The following POLR3G variants were observed in gnomAD, a reference collection of about 807,000 sequenced individuals.
POLR3G encodes the protein DNA-directed RNA polymerase III subunit RPC7.
Under a neutral mutation model 30.1 loss-of-function variants are expected in POLR3G, and 28 were observed. The ratio of observed to expected loss-of-function variants is 0.93; its 90% CI spans 0.69 to 1.27. The LOEUF is 1.27. Among genes scored for constraint, POLR3G ranks in the 50% most tolerant of loss-of-function variants. The pLI is 0.00. For missense variants in POLR3G, 254 were observed against 264.6 expected (o/e 0.96, Z 0.28); for synonymous variants, 79 against 82.5 (o/e 0.96, Z 0.23).
intron 3 of POLR3G, among the ~76,000 whole-genome samples, chr5:90,494,557 T>TA (rs1203909040): frequency 6.7e-6 from 1 of 149,692 alleles, no homozygotes; most frequent in Non-Finnish European, 1.5e-5. Context: ...CAACATTTCT[T>TA]ATTTTTTTTT....
intron 6 of POLR3G, chr5:90,502,394 A>G (rs1561256772): frequency 2.2e-6 from 2 of 895,808 alleles, no homozygotes; most frequent in South Asian, 1.0e-4. Context: ...TTTGGTCTTA[A>G]GTATTGAAGA....
intron 3 of POLR3G, among the ~76,000 whole-genome samples, chr5:90,491,673 A>T (rs1341313033): frequency 2.0e-5 from 3 of 152,138 alleles, no homozygotes; most frequent in East Asian, 1.9e-4. Flanking sequence ...ATATCAGCCC[A>T]TTGGACCCTT....
rs745857878 is a variant in POLR3G at position 90,506,614 on chromosome 5, TGATGAC to T, written c.537_542del (p.Asp180_Asp181del). The T allele has an allele frequency of 1.8e-5, 29 of 1,613,596 alleles. No homozygotes were observed. Among genetic ancestry groups the T allele is most frequent in the African/African-American group, 5.3e-5 (4 of 74,882 alleles). ...GCAAAGAGAAAAGTAAAGAAGGTGA[TGATGAC>T]GATGACGATGATGCCGCAGAACAGG... On this transcript the variant is annotated inframe_deletion, in exon 7 of 8. Transcript: ENST00000651687.
At chr5:90,495,651 G>T (rs1490416738) in intron 3 of POLR3G, 26 bp from the exon 4 acceptor site, 1 of 1,597,684 alleles carries the variant, frequency 6.3e-7, no homozygotes, top group East Asian at 2.3e-5. Context: ...TTTTCCTAAT[G>T]AGTTCTTTAT....
At chr5:90,502,138 G>T in intron 6 of POLR3G, 150 bp downstream of exon 6, 1 of 1,438,514 alleles carries the variant, frequency 7.0e-7, no homozygotes, top group Non-Finnish European at 9.1e-7. Flanking sequence ...AACTGGGAAG[G>T]TTTGAACTTT....
intron 1 of POLR3G, among the ~76,000 whole-genome samples, chr5:90,477,753 G>C (rs544407614): frequency 6.6e-6 from 1 of 152,144 alleles, no homozygotes; most frequent in Non-Finnish European, 1.5e-5. Flanking sequence ...GACGAAACGC[G>C]CAAAGCAAAG....
intron 6 of POLR3G, chr5:90,502,293 C>T: frequency 1.0e-6 from 1 of 969,322 alleles, no homozygotes; most frequent in Non-Finnish European, 1.2e-6. Context: ...GAAACATGAA[C>T]AAGTTTTAAA....
chr5:90,489,610 C>T (rs773629587), intron 3 of POLR3G, among the ~76,000 whole-genome samples: 35 of 151,908 alleles, frequency 2.3e-4, no homozygotes, highest in Non-Finnish European at 4.0e-4. Context: ...TGCATGCTTT[C>T]GTCTGTTTGA....
intron 1 of POLR3G, among the ~76,000 whole-genome samples, chr5:90,483,630 C>G (rs1251805745): frequency 6.6e-6 from 1 of 151,922 alleles, no homozygotes; most frequent in East Asian, 1.9e-4. Context: ...CATGGTGAAA[C>G]CCCGTCTCTA....
At position 90,508,140 on chromosome 5, in the gene POLR3G, T is replaced by C. The variant is rs192797573; in HGVS notation, c.585+1466T>C. On this transcript the variant is annotated intron_variant, in intron 7 of 7. Transcript: ENST00000651687. ...TTTGCTGGATAACATGTTTTCTGTT[T>C]TTAAGTCAGCTCTCTACAGCAATTA... is the stretch of plus-strand genomic sequence containing the variant. Among the ~76,000 whole-genome samples the C allele has an allele frequency of 3.5e-3, 540 of 152,296 alleles. 2 individuals are homozygous for C. Among genetic ancestry groups the C allele is most frequent in the Middle Eastern group, 0.031 (9 of 294 alleles).
intron 4 of POLR3G, among the ~76,000 whole-genome samples, chr5:90,497,093 A>C (rs558824182): frequency 2.6e-4 from 39 of 152,324 alleles, no homozygotes; most frequent in African/African-American, 8.9e-4. Context: ...AAATTAAAAG[A>C]AAGTGACACA....
chr5:90,512,039 A>T lies in POLR3G; in HGVS notation c.586-14A>T. 1 of 1,531,688 alleles carries T rather than the reference A, an allele frequency of 6.5e-7. No individual in the cohort carries two copies. The highest frequency in any genetic ancestry group is 9.0e-7 in the Non-Finnish European group (1 of 1,105,712). 94.9% of individuals were successfully genotyped at this position (1,531,688 alleles called of 1,614,324 possible). On this transcript the variant is annotated splice_polypyrimidine_tract_variant and intron_variant, in intron 7 of 7. Coordinates refer to ENST00000651687, the MANE Select transcript of POLR3G (RefSeq NM_006467.3). ...CATTTTAACGTTTACAAAGGAATATATCATTTCACTTAGGAAAATGACTAC... is the reference window on the plus strand; with the variant it reads ...CATTTTAACGTTTACAAAGGAATATTTCATTTCACTTAGGAAAATGACTAC...
rs1032382555 is a variant in POLR3G, at chr5:90,488,117, G to A, written c.235G>A (p.Glu79Lys). 3.1e-6 allele frequency: 5 copies of A among 1,609,558 alleles called. No individual in the cohort carries two copies. The African/African-American group carries it at 5.4e-5, about 17-fold the overall frequency. ...AATGCCTTATTTTATTGAAACACCT[G>A]AAGAAAGACAAGGTACTGTATTGGA... ...KRMPYFIETPEERQDIERYSK... is the reference protein window; with the variant it reads ...KRMPYFIETPKERQDIERYSK... Residue 79 changes from glutamate to lysine, a missense_variant, in exon 3 of 8, where the codon GAA (glutamate) becomes AAA (lysine). Physicochemically the swap from Glu to Lys is moderately conservative, Grantham distance 56. Coordinates refer to ENST00000651687, the MANE Select transcript of POLR3G (RefSeq NM_006467.3).
At chr5:90,478,404 G>A (rs1373942705) in intron 1 of POLR3G, among the ~76,000 whole-genome samples, 1 of 151,936 alleles carries the variant, frequency 6.6e-6, no homozygotes, top group African/African-American at 2.4e-5. Flanking sequence ...CTTCTAACCA[G>A]CCTAGACCTA....
chr5:90,475,975 T>C (rs545806506), intron 1 of POLR3G, among the ~76,000 whole-genome samples: 2 of 152,250 alleles, frequency 1.3e-5, no homozygotes, highest in East Asian at 3.9e-4. Context: ...CCTCCCAAAG[T>C]GCTGGGATTA....
chr5:90,490,590 T>TTTTTTG, intron 3 of POLR3G: 1 of 383,414 alleles, frequency 2.6e-6, no homozygotes, highest in East Asian at 8.5e-5. Context: ...TTTTTTTTTG[T>TTTTTTG]AGAGACGGGA....
intron 6 of POLR3G, among the ~76,000 whole-genome samples, chr5:90,505,374 A>T (rs1338583646): frequency 2.0e-5 from 3 of 152,196 alleles, no homozygotes; most frequent in African/African-American, 7.2e-5. Flanking sequence ...TCATATGTGC[A>T]AATTGAGCAT....
At chr5:90,474,302 G>C, upstream of POLR3G, 1 of 1,611,494 alleles carries the variant, frequency 6.2e-7, no homozygotes, top group East Asian at 2.2e-5. Context: ...TGCTGGGCAG[G>C]GGTGCAGCCA....
chr5:90,491,638 A>T (rs1487635966), intron 3 of POLR3G, among the ~76,000 whole-genome samples: 1 of 152,082 alleles, frequency 6.6e-6, no homozygotes, highest in Non-Finnish European at 1.5e-5. Context: ...CTTAAAAAGG[A>T]AAACTCATTT....
Sources: gnomAD v4.1 joint callset for allele counts (sites outside exome capture counted in the v4.1 genomes callset) on GRCh38, gnomAD v4.1.1 for gene constraint, MANE v1.5 for transcripts, NCBI Gene and HGNC (gene_info 2026-07-23, HGNC 2026-07-21) for gene names.